The following DNAH10 variants were observed in gnomAD, a reference collection of about 807,000 sequenced individuals.
DNAH10 encodes the protein axonemal beta dynein heavy chain 10.
A neutral mutation model predicts 506.6 loss-of-function variants in DNAH10; 348 were observed. The ratio of observed to expected loss-of-function variants is 0.69; its 90% confidence interval spans 0.63 to 0.75. The LOEUF (loss-of-function observed/expected upper bound fraction) is 0.75, where lower values mean the gene tolerates loss of function less well. Ranked by LOEUF, DNAH10 falls within the 30% of genes least tolerant of loss-of-function variation. The pLI is 0.00. For missense variants in DNAH10, 5,179 were observed against 5,787.1 expected (o/e 0.89, Z 3.41); for synonymous variants, 2,059 against 2,198.6 (o/e 0.94, Z 1.78).
chr12:123,910,509 T>C, intron 58 of DNAH10, 27 bp from the exon 59 acceptor site: 1 of 1,602,544 alleles, frequency 6.2e-7, no homozygotes, highest in Non-Finnish European at 8.5e-7. Flanking sequence ...TTGCCACTCA[T>C]AAAAATTATT....
chr12:123,923,690 A>C, intron 65 of DNAH10, 73 bp from the exon 66 acceptor site: 1 of 979,146 alleles, frequency 1.0e-6, no homozygotes, highest in Non-Finnish European at 1.5e-6. Flanking sequence ...GTTTAAGCAC[A>C]GTGTGCATAA....
In DNAH10 at chr12:123,928,199, C is replaced by T. The variant is rs901536123; in HGVS notation, c.12106-188C>T. 22 of 663,270 alleles carry T rather than the reference C, an allele frequency of 3.3e-5. No homozygotes were observed. The highest frequency in any genetic ancestry group is 1.3e-4 in the African/African-American group (7 of 55,056). 41.1% of individuals were successfully genotyped at this position (663,270 alleles called of 1,614,324 possible). A position where few individuals can be genotyped will look rare whatever the true frequency, so the allele number is the denominator to read the frequency against. On this transcript the variant is annotated intron_variant, in intron 69 of 78. Transcript: ENST00000673944. This position sits in a 1 kb window ranked among gnomAD's most constrained non-coding sequence, Gnocchi z 4.9. ...GGGTGTGACCAGCTCAGTGCACCCA[C>T]GGGGCCCATGGGGTTTCTCAAAGAT...
rs543383204 is a variant in DNAH10 at position 123,908,257 on chromosome 12, CCT to C, written c.9816-1003_9816-1002del. On this transcript the variant is annotated intron_variant, in intron 57 of 78. Transcript: ENST00000673944. ...CTCCTCCCTGTCTCTCTGTCTCCTC[CCT>C]GTCTCCCTGTCTCTGTTCTTGTGCA... The C allele has an allele frequency of 3.6e-4, 161 of 442,644 alleles. 7 individuals carry two copies. Among genetic ancestry groups the C allele is most frequent in the African/African-American group, 3.1e-3 (152 of 49,292 alleles). 27.4% of individuals were successfully genotyped at this position (442,644 alleles called of 1,614,324 possible). A position where few individuals can be genotyped will look rare whatever the true frequency, so the allele number is the denominator to read the frequency against.
Position 123,818,974 on chromosome 12 carries a change from G to A in DNAH10, c.3805G>A (p.Val1269Ile), listed in dbSNP as rs536505200. The change falls in exon 22 of 79, where the codon GTT becomes ATT. Residue 1269 changes from valine (V) to isoleucine (I), a missense_variant. Val to Ile is a conservative substitution (Grantham distance 29). Around this residue, in one of 3 missense-constraint regions of DNAH10, gnomAD observed 4,844 missense variants for 5,430.5 expected, o/e 0.89. Coordinates refer to ENST00000673944, the MANE Select transcript of DNAH10 (RefSeq NM_001372106.1). ...GCCTCCTGATGCAGAGAAAGAACTGGTTGATAAGATTGAGAGCATATGGTC... is the reference window on the plus strand; with the variant it reads ...GCCTCCTGATGCAGAGAAAGAACTGATTGATAAGATTGAGAGCATATGGTC... ...LFPPDAEKEL[V>I]DKIESIWSNL... 20 of 1,605,564 alleles carry A rather than the reference G, an allele frequency of 1.2e-5. No individual in the cohort carries two copies. The African/African-American group carries it at 1.9e-4, about 15-fold the overall frequency.
intron 26 of DNAH10, among the ~76,000 whole-genome samples, chr12:123,832,390 C>CA (rs1960661851): frequency 6.6e-6 from 1 of 152,060 alleles, no homozygotes; most frequent in South Asian, 2.1e-4. Context: ...TACACAGGTA[C>CA]ACATAGTATA....
At chr12:123,820,833 T>C in intron 24 of DNAH10, 75 bp downstream of exon 24, 1 of 1,497,364 alleles carries the variant, frequency 6.7e-7, no homozygotes, top group Non-Finnish European at 9.2e-7. Flanking sequence ...CCTGCAGACT[T>C]TGATGCCACC....
chr12:123,921,705 T>G (rs1402345779), intron 65 of DNAH10, among the ~76,000 whole-genome samples: 2 of 54,194 alleles, frequency 3.7e-5, no homozygotes, highest in African/African-American at 1.6e-4. Context: ...TTTTTTTTTT[T>G]TTTTTTTTTT....
chr12:123,783,975 T>C lies in DNAH10; in HGVS notation c.1028T>C (p.Phe343Ser). ...AAAGGCCCTCTGGCTGAAATTGAAT[T>C]CTGGAGGGAAAGAAATGCAACCTTA... ...QGKGPLAEIEFWRERNATLSA... is the reference protein window; with the variant it reads ...QGKGPLAEIESWRERNATLSA... Residue 343 changes from phenylalanine to serine, a missense_variant, in exon 8 of 79, where the codon TTC becomes TCC. By Grantham distance (155) the Phe-to-Ser change is radical. This residue lies in a region of DNAH10 where 4,844 missense variants were observed against 5,430.5 expected (regional missense o/e 0.89). Transcript: ENST00000673944. 6.2e-7 allele frequency: 1 copy of C among 1,614,240 alleles called. No homozygotes were observed. The highest frequency in any genetic ancestry group is 8.5e-7 in the Non-Finnish European group (1 of 1,180,044).
intron 65 of DNAH10, among the ~76,000 whole-genome samples, chr12:123,920,461 A>G (rs1167566698): frequency 6.6e-6 from 1 of 152,276 alleles, no homozygotes; most frequent in Non-Finnish European, 1.5e-5. Context: ...GTGAATGGCC[A>G]TGGCTGTGTT....
Position 123,928,420 on chromosome 12 carries a change from C to T in DNAH10, c.12139C>T (p.Arg4047Trp), listed in dbSNP as rs776510861. 4.4e-6 allele frequency: 7 copies of T among 1,605,896 alleles called. No individual in the cohort carries two copies. The highest frequency in any genetic ancestry group is 2.7e-5 in the African/African-American group (2 of 74,786). ...ALQLLETAVA[R>W]GQWLMLQNCH... ...GCAGCTGCTGGAGACGGCGGTGGCT[C>T]GGGGGCAGTGGCTGATGCTGCAGAA... The change falls in exon 70 of 79, where the codon CGG becomes TGG. Residue 4047 changes from arginine (R) to tryptophan (W), a missense_variant. Arg to Trp is a moderately radical substitution (Grantham distance 101). Coordinates refer to ENST00000673944, the MANE Select transcript of DNAH10 (RefSeq NM_001372106.1). The surrounding 1 kb of genome is among the most constrained non-coding windows in gnomAD (Gnocchi z 4.9).
At chr12:123,773,673 C>T (rs753334703) in intron 4 of DNAH10, among the ~76,000 whole-genome samples, 9 of 152,178 alleles carry the variant, frequency 5.9e-5, no homozygotes, top group Non-Finnish European at 8.8e-5. Flanking sequence ...AGAGAGCAAG[C>T]TCTCCTGTCT....
chr12:123,882,715 C>T (rs545683770), intron 51 of DNAH10, among the ~76,000 whole-genome samples: 2 of 148,730 alleles, frequency 1.3e-5, no homozygotes, highest in African/African-American at 5.0e-5. Context: ...TCACTTGAAC[C>T]TGGGAGGCAG....
chr12:123,845,896 T>C (rs1309704975), intron 31 of DNAH10, 27 bp downstream of exon 31: 1 of 1,612,958 alleles, frequency 6.2e-7, no homozygotes, highest in East Asian at 2.2e-5. Flanking sequence ...GTCACTGGCA[T>C]TTCAAAAGGG....
In DNAH10 at chr12:123,932,017, A is replaced by G. The variant is rs1299341307; in HGVS notation, c.13205A>G (p.Asn4402Ser). Reference protein sequence around the residue: ...ARSLFIGHIPNIWRRLAPDTL... With the variant: ...ARSLFIGHIPSIWRRLAPDTL... Reference sequence around the variant, plus strand: ...TCTCTTTTTATCGGGCATATCCCTAATATCTGGAGAAGGCTTGCTCCTGAC... The same window carrying G: ...TCTCTTTTTATCGGGCATATCCCTAGTATCTGGAGAAGGCTTGCTCCTGAC... The change falls in exon 76 of 79, where the codon AAT becomes AGT. Residue 4402 changes from asparagine (N) to serine (S), a missense_variant. Around this residue, in one of 3 missense-constraint regions of DNAH10, gnomAD observed 4,844 missense variants for 5,430.5 expected, o/e 0.89. Transcript: ENST00000673944. The G allele has an allele frequency of 1.9e-6, 3 of 1,613,868 alleles. No homozygotes were observed. The highest frequency in any genetic ancestry group is 4.5e-5 in the East Asian group (2 of 44,900).
intron 57 of DNAH10, among the ~76,000 whole-genome samples, chr12:123,904,754 G>A (rs1252046634): frequency 4.6e-5 from 7 of 152,102 alleles, no homozygotes; most frequent in Non-Finnish European, 7.3e-5. Context: ...GAATTGTCTC[G>A]GCTGCATCAG....
intron 2 of DNAH10, among the ~76,000 whole-genome samples, chr12:123,769,263 A>C (rs977099494): frequency 4.6e-5 from 7 of 151,390 alleles, no homozygotes; most frequent in African/African-American, 1.7e-4. Flanking sequence ...CTCCTGCCTC[A>C]GCCTCCTGAG....
At position 123,909,474 on chromosome 12, in the gene DNAH10, G is replaced by A. The variant is rs1217379057; in HGVS notation, c.9997+32G>A. The A allele has an allele frequency of 5.9e-6, 9 of 1,514,114 alleles. No individual in the cohort carries two copies. Among genetic ancestry groups the A allele is most frequent in the Non-Finnish European group, 8.0e-6 (9 of 1,126,472 alleles). 93.8% of individuals were successfully genotyped at this position (1,514,114 alleles called of 1,614,324 possible). ...GTAGCCACGTGTGGGAATCGCCAGG[G>A]TGGATCTCGGTCTGGCATCTCAGGC... is the stretch of plus-strand genomic sequence containing the variant. On this transcript the variant is annotated intron_variant, in intron 58 of 78. Coordinates refer to ENST00000673944, the MANE Select transcript of DNAH10 (RefSeq NM_001372106.1). The surrounding 1 kb of genome is among the most constrained non-coding windows in gnomAD (Gnocchi z 5.4).
chr12:123,847,308 TTATCTATCTATCTATC>T (rs71308008), intron 32 of DNAH10, among the ~76,000 whole-genome samples: 3,687 of 149,016 alleles, frequency 0.025, 145 homozygotes, highest in African/African-American at 0.086. Context: ...ATCATCTATT[TTATCTATCTATCTATC>T]TATCTATCTA....
intron 65 of DNAH10, among the ~76,000 whole-genome samples, chr12:123,921,966 C>T (rs1347518247): frequency 2.0e-5 from 3 of 151,918 alleles, no homozygotes; most frequent in Non-Finnish European, 2.9e-5. Flanking sequence ...CTGCCCACCC[C>T]GGCCTCCCAA....
Sources: gnomAD v4.1 joint callset for allele counts (sites outside exome capture counted in the v4.1 genomes callset) on GRCh38, gnomAD v4.1.1 for gene constraint, gnomAD v4.1.1 regional missense constraint, Gnocchi (gnomAD v3.1) non-coding constraint, MANE v1.5 for transcripts, NCBI Gene and HGNC (gene_info 2026-07-23, HGNC 2026-07-21) for gene names.